Variants in WDTC1 observed in about 807,000 individuals in gnomAD.
WDTC1 encodes WD and tetratricopeptide repeats protein 1.
In WDTC1, 12 loss-of-function variants were observed where a neutral mutation model predicts 76.0. That is an observed-to-expected ratio of 0.16 (90% confidence interval 0.10 to 0.26). The LOEUF (loss-of-function observed/expected upper bound fraction) is 0.26, where lower values mean the gene tolerates loss of function less well. Ranked by LOEUF, WDTC1 falls within the 10% of genes least tolerant of loss-of-function variation. The pLI, the probability that WDTC1 is intolerant of heterozygous loss-of-function variation, is 1.00. For synonymous variants in WDTC1, 326 were observed against 350.8 expected, an observed-to-expected ratio of 0.93 and a Z score of 0.79; for missense variants, 511 against 908.8, an observed-to-expected ratio of 0.56 and a Z score of 5.63.
chr1:27,251,827 A>G (rs1232148246), intron 1 of WDTC1, among the ~76,000 whole-genome samples: 1 of 151,916 alleles, frequency 6.6e-6, no homozygotes, highest in Non-Finnish European at 1.5e-5. Flanking sequence ...TCTCTATTAA[A>G]CAAATCAAAA....
At chr1:27,280,944 CT>C (rs963958285) in intron 3 of WDTC1, among the ~76,000 whole-genome samples, 8 of 152,036 alleles carry the variant, frequency 5.3e-5, no homozygotes, top group African/African-American at 1.9e-4. Flanking sequence ...TATCTCTCTC[CT>C]TTTTCTTTTT....
chr1:27,288,962 G>A (rs545679900), intron 6 of WDTC1, among the ~76,000 whole-genome samples: 1,510 of 140,726 alleles, frequency 0.011, 9 homozygotes, highest in East Asian at 0.019. Flanking sequence ...CGGACGGGGC[G>A]GCTGGCCGGG....
rs542338283 is a variant in WDTC1 at position 27,236,840 on chromosome 1, T to G, written c.-100+1889T>G. Among the ~76,000 whole-genome samples the G allele has an allele frequency of 2.7e-4, 41 of 152,256 alleles. 1 individual carries two copies. Among genetic ancestry groups the G allele is most frequent in the East Asian group, 5.8e-4 (3 of 5,184 alleles). On this transcript the variant is annotated intron_variant, in intron 1 of 15. Transcript: ENST00000319394. ...TTTTCTCCTTTATGTATGTATGTAT[T>G]TATTTATTTATTTTTTGAGATGGAG...
At chr1:27,278,183 A>G (rs1468125450) in intron 3 of WDTC1, among the ~76,000 whole-genome samples, 1 of 152,144 alleles carries the variant, frequency 6.6e-6, no homozygotes, top group East Asian at 1.9e-4. Flanking sequence ...ACCTGTTTTT[A>G]TAAGTAAAGT....
intron 6 of WDTC1, among the ~76,000 whole-genome samples, chr1:27,291,051 G>T (rs1319642115): frequency 1.3e-5 from 2 of 152,182 alleles, no homozygotes; most frequent in African/African-American, 2.4e-5. Context: ...TAGCGCATTG[G>T]GTAGGATCCT....
At chr1:27,268,214 GT>G (rs1173182572) in intron 3 of WDTC1, among the ~76,000 whole-genome samples, 1 of 152,092 alleles carries the variant, frequency 6.6e-6, no homozygotes, top group African/African-American at 2.4e-5. Context: ...GCTGTGGCAG[GT>G]GGATCACTTG....
chr1:27,288,014 ACATTTG>A (rs1178750814), intron 6 of WDTC1, among the ~76,000 whole-genome samples, 153 bp downstream of exon 6: 1 of 152,144 alleles, frequency 6.6e-6, no homozygotes. Context: ...TCCACTGGGA[ACATTTG>A]CTTACTCCGC....
At chr1:27,292,148 A>G (rs2013551388) in intron 6 of WDTC1, 67 bp from the exon 7 acceptor site, 1 of 1,408,870 alleles carries the variant, frequency 7.1e-7, no homozygotes, top group African/African-American at 1.5e-5. Context: ...ACAAGAACTT[A>G]TCTTTTCCCC....
intron 6 of WDTC1, among the ~76,000 whole-genome samples, chr1:27,290,676 T>C (rs1189073597): frequency 6.6e-6 from 1 of 152,214 alleles, no homozygotes; most frequent in East Asian, 1.9e-4. Flanking sequence ...TAAAATGGTG[T>C]CGTTGCCCTT....
intron 12 of WDTC1, among the ~76,000 whole-genome samples, chr1:27,299,886 G>A (rs1330801205): frequency 6.6e-6 from 1 of 152,104 alleles, no homozygotes; most frequent in Non-Finnish European, 1.5e-5. Context: ...TTCTGTCCTG[G>A]GCCAGTCTCC....
intron 1 of WDTC1, among the ~76,000 whole-genome samples, chr1:27,252,839 T>C (rs2012125012): frequency 6.6e-6 from 1 of 151,982 alleles, no homozygotes; most frequent in African/African-American, 2.4e-5. Flanking sequence ...TGTGGTCTGT[T>C]ATAGTCCCTG....
At chr1:27,244,481 A>G (rs909772987) in intron 1 of WDTC1, among the ~76,000 whole-genome samples, 1 of 152,076 alleles carries the variant, frequency 6.6e-6, no homozygotes, top group Non-Finnish European at 1.5e-5. Context: ...AGCTAGGACT[A>G]CAGGAGTGTG....
At chr1:27,300,704 GGGGGGGTCT>G (rs980670388) in intron 12 of WDTC1, among the ~76,000 whole-genome samples, 2 of 152,088 alleles carry the variant, frequency 1.3e-5, no homozygotes, top group Non-Finnish European at 2.9e-5. Context: ...GCCAGGACAG[GGGGGGGTCT>G]GGCTGAGGGC....
chr1:27,251,655 A>G (rs188679036), intron 1 of WDTC1, among the ~76,000 whole-genome samples: 2 of 152,060 alleles, frequency 1.3e-5, no homozygotes, highest in Non-Finnish European at 1.5e-5. Context: ...AAGACCCTGA[A>G]TTTAGGAAAA....
chr1:27,306,425 C>T lies in WDTC1; in HGVS notation c.*42C>T. 2 of 1,591,542 alleles carry T rather than the reference C, an allele frequency of 1.3e-6. No homozygotes were observed. Among genetic ancestry groups the T allele is most frequent in the Non-Finnish European group, 1.7e-6 (2 of 1,170,732 alleles). On this transcript the variant is annotated 3_prime_UTR_variant, in exon 16 of 16. Transcript: ENST00000319394. The surrounding 1 kb of genome is among the most constrained non-coding windows in gnomAD (Gnocchi z 5.0). ...CCCCAGCCCCTGCTACTGGCTGGAC[C>T]CTCTGCCCTGGGCAGGAGGTCAGGG...
At chr1:27,271,912 T>C (rs889347562) in intron 3 of WDTC1, among the ~76,000 whole-genome samples, 1 of 149,582 alleles carries the variant, frequency 6.7e-6, no homozygotes, top group Non-Finnish European at 1.5e-5. Context: ...GCTGGGATTA[T>C]AGGCGTAAGC....
At chr1:27,238,308 A>G (rs2011535160) in intron 1 of WDTC1, among the ~76,000 whole-genome samples, 1 of 152,162 alleles carries the variant, frequency 6.6e-6, no homozygotes, top group Admixed American at 6.6e-5. Flanking sequence ...GGGAAAGGAA[A>G]CTGGATGTTC....
chr1:27,281,628 G>A (rs574039241), intron 3 of WDTC1, among the ~76,000 whole-genome samples: 4 of 151,812 alleles, frequency 2.6e-5, no homozygotes, highest in African/African-American at 4.8e-5. Context: ...TGGCTCTGTC[G>A]CCCAGGCTGG....
intron 3 of WDTC1, among the ~76,000 whole-genome samples, chr1:27,278,621 C>T (rs1360862931): frequency 1.3e-5 from 2 of 152,238 alleles, no homozygotes; most frequent in Admixed American, 1.3e-4. Flanking sequence ...CCCTTCATCA[C>T]AATGCTCTAA....
Sources: gnomAD v4.1 joint callset for allele counts (sites outside exome capture counted in the v4.1 genomes callset) on GRCh38, gnomAD v4.1.1 for gene constraint, Gnocchi (gnomAD v3.1) non-coding constraint, MANE v1.5 for transcripts, NCBI Gene and HGNC (gene_info 2026-07-23, HGNC 2026-07-21) for gene names.